The following KCNN1 variants were observed in gnomAD, a reference collection of about 807,000 sequenced individuals.
KCNN1 encodes the protein potassium calcium-activated channel subfamily N member 1.
In KCNN1, 20 loss-of-function variants were observed where a neutral mutation model predicts 44.7. The ratio of observed to expected loss-of-function variants is 0.45; its 90% CI spans 0.32 to 0.65. The LOEUF (loss-of-function observed/expected upper bound fraction) is 0.65. KCNN1 is among the 30% of genes least tolerant of loss of function. The probability of loss-of-function intolerance (pLI) is 0.05; values close to 1 mark genes in which losing one functional copy is unlikely to be tolerated. For synonymous variants in KCNN1, 324 were observed against 341.7 expected (o/e 0.95, Z 0.57); for missense variants, 632 against 785.3 (o/e 0.80, Z 2.33).
At chr19:17,985,648 A>T (rs1356368459) in intron 5 of KCNN1, among the ~76,000 whole-genome samples, 195 bp downstream of exon 5, 3 of 152,138 alleles carry the variant, frequency 2.0e-5, no homozygotes, top group Non-Finnish European at 4.4e-5. Context: ...CCACACCCAC[A>T]GGCTTCCTGG....
chr19:17,990,179 G>A, intron 7 of KCNN1: 1 of 456,894 alleles, frequency 2.2e-6, no homozygotes, highest in Admixed American at 2.5e-5. Flanking sequence ...CTGATCCATG[G>A]GATCATGTAG....
chr19:17,990,184 A>C, intron 7 of KCNN1: 1 of 453,916 alleles, frequency 2.2e-6, no homozygotes, highest in Non-Finnish European at 4.3e-6. Context: ...CCATGGGATC[A>C]TGTAGGATAA....
chr19:17,981,622 C>T (rs1041540804), intron 3 of KCNN1, 87 bp from the exon 4 acceptor site: 19 of 1,178,082 alleles, frequency 1.6e-5, no homozygotes, highest in African/African-American at 1.3e-4. Context: ...GCCAGGCTGA[C>T]GTCACTCTCT....
chr19:17,987,332 A>AC (rs1037520465), intron 5 of KCNN1, among the ~76,000 whole-genome samples: 1 of 151,526 alleles, frequency 6.6e-6, no homozygotes, highest in Non-Finnish European at 1.5e-5. Flanking sequence ...CTGGTCTCGA[A>AC]CTCTTGACCT....
At chr19:17,958,677 T>C (rs1644299215) in intron 2 of KCNN1, among the ~76,000 whole-genome samples, 1 of 145,156 alleles carries the variant, frequency 6.9e-6, no homozygotes, top group Non-Finnish European at 1.5e-5. Context: ...TATTTATTTA[T>C]ATTTTCAATT....
intron 7 of KCNN1, among the ~76,000 whole-genome samples, chr19:17,990,316 C>T (rs2032743495): frequency 6.6e-6 from 1 of 151,038 alleles, no homozygotes; most frequent in African/African-American, 2.4e-5. Context: ...GAGACCCCAT[C>T]TCTACAAAAA....
At position 17,998,141 on chromosome 19, in the gene KCNN1, G is replaced by A; in HGVS notation, c.1378-11G>A. 1 of 1,576,626 alleles carries A rather than the reference G, an allele frequency of 6.3e-7. No individual in the cohort carries two copies. The highest frequency in any genetic ancestry group is 8.6e-7 in the Non-Finnish European group (1 of 1,161,430). ...CGGCGCCTCTCTCCTGCCCCTCTCT[G>A]TCTCCCGCAGACCCAGACCGTCATG... On this transcript the variant is annotated splice_polypyrimidine_tract_variant and intron_variant, in intron 9 of 9. Transcript: ENST00000684775. The surrounding 1 kb of genome is among the most constrained non-coding windows in gnomAD (Gnocchi z 5.4).
chr19:17,996,803 C>A (rs113630876), intron 9 of KCNN1, among the ~76,000 whole-genome samples: 1 of 152,034 alleles, frequency 6.6e-6, no homozygotes, highest in African/African-American at 2.4e-5. Context: ...GTGGGGTCTG[C>A]CTTGCACTGA....
rs1418671781 is a variant in KCNN1, at chr19:17,993,494, C to A, written c.1312C>A (p.Arg438=). The change falls in exon 9 of 10, where the codon CGG becomes AGG. Residue 438 remains arginine, a synonymous_variant. Transcript: ENST00000684775. The surrounding 1 kb of genome is among the most constrained non-coding windows in gnomAD (Gnocchi z 4.5). ...LQAIHQAQKL[R]SVKIEQGKLN... is the part of the protein sequence containing the mutation. ...CCCAACCCCGTGTCCCCACAGGCTC[C>A]GGAGTGTGAAGATCGAGCAAGGGAA... is the stretch of plus-strand genomic sequence containing the variant. 6.2e-7 allele frequency: 1 copy of A among 1,613,346 alleles called. No individual in the cohort carries two copies.
At chr19:17,961,475 G>C (rs1289183262) in intron 2 of KCNN1, among the ~76,000 whole-genome samples, 1 of 151,848 alleles carries the variant, frequency 6.6e-6, no homozygotes, top group Non-Finnish European at 1.5e-5. Flanking sequence ...AGAGATAGAG[G>C]CTGCAATGGG....
Position 17,993,089 on chromosome 19 carries a change from G to A in KCNN1, c.1307+27G>A. ...TAAGTGTTCTCCCAGGGGCTTGGTG[G>A]GGCTGGGAAATCGGGGGTGCATGGT... On this transcript the variant is annotated intron_variant, in intron 8 of 9. Coordinates refer to ENST00000684775, the MANE Select transcript of KCNN1 (RefSeq NM_001386974.1). This position sits in a 1 kb window ranked among gnomAD's most constrained non-coding sequence, Gnocchi z 4.5. 4 of 1,613,540 alleles carry A rather than the reference G, an allele frequency of 2.5e-6. No homozygotes were observed. In the Middle Eastern group the frequency reaches 4.9e-4, roughly 200 times the overall value.
chr19:17,977,722 A>G (rs141254772), intron 3 of KCNN1, among the ~76,000 whole-genome samples: 1 of 152,204 alleles, frequency 6.6e-6, no homozygotes, highest in African/African-American at 2.4e-5. Context: ...TGACCTCTAT[A>G]AAGACCTTAT....
At chr19:17,987,688 G>T (rs1159264803) in intron 5 of KCNN1, among the ~76,000 whole-genome samples, 2 of 151,960 alleles carry the variant, frequency 1.3e-5, no homozygotes, top group Non-Finnish European at 2.9e-5. Flanking sequence ...CAGGCTCAGG[G>T]TGTTGGCATC....
At chr19:17,987,662 C>G (rs996809137) in intron 5 of KCNN1, among the ~76,000 whole-genome samples, 1 of 151,976 alleles carries the variant, frequency 6.6e-6, no homozygotes, top group South Asian at 2.1e-4. Context: ...TGCTTGTGCT[C>G]TAGGCCAACC....
intron 9 of KCNN1, among the ~76,000 whole-genome samples, chr19:17,997,229 C>T (rs548186462): frequency 6.6e-6 from 1 of 152,310 alleles, no homozygotes; most frequent in Non-Finnish European, 1.5e-5. Flanking sequence ...CCCCTGTCCC[C>T]TCCCCAGCCT....
intron 6 of KCNN1, 51 bp downstream of exon 6, chr19:17,988,576 G>A (rs1219517059): frequency 4.2e-5 from 56 of 1,348,482 alleles, no homozygotes; most frequent in South Asian, 1.4e-4. Context: ...GTCAGCGAGC[G>A]TAGAACTTCC....
Position 17,989,785 on chromosome 19 carries a change from AAGC to A in KCNN1, c.1241_1243del (p.Lys414_Pro415delinsThr). On this transcript the variant is annotated inframe_deletion, in exon 7 of 10. Coordinates refer to ENST00000684775, the MANE Select transcript of KCNN1 (RefSeq NM_001386974.1). Reference sequence around the variant, plus strand: ...CTACAAACATACCAGGCTGGTGAAGAAGCCAGACCAAGCCCGGGTTCGGAAACA... The same window carrying A: ...CTACAAACATACCAGGCTGGTGAAGACAGACCAAGCCCGGGTTCGGAAACA... 6.2e-7 allele frequency: 1 copy of A among 1,613,962 alleles called. No homozygotes were observed. Among genetic ancestry groups the A allele is most frequent in the Non-Finnish European group, 8.5e-7 (1 of 1,179,884 alleles).
At chr19:17,957,528 C>T (rs1382848017) in intron 2 of KCNN1, among the ~76,000 whole-genome samples, 6 of 152,084 alleles carry the variant, frequency 3.9e-5, no homozygotes, top group African/African-American at 1.4e-4. Context: ...AGGAACTGGC[C>T]TGCTGACAGC....
At chr19:17,982,626 C>T (rs1235737502) in intron 4 of KCNN1, 9 of 979,480 alleles carry the variant, frequency 9.2e-6, no homozygotes, top group African/African-American at 7.0e-5. Context: ...CCACTGCCAC[C>T]GCTGCCGCCA....
Sources: gnomAD v4.1 joint callset for allele counts (sites outside exome capture counted in the v4.1 genomes callset) on GRCh38, gnomAD v4.1.1 for gene constraint, Gnocchi (gnomAD v3.1) non-coding constraint, MANE v1.5 for transcripts, NCBI Gene and HGNC (gene_info 2026-07-23, HGNC 2026-07-21) for gene names.